Variants in ZNF385D observed in about 807,000 individuals in gnomAD.
ZNF385D encodes the protein zinc finger protein 659.
In ZNF385D, 15 loss-of-function variants were observed where a neutral mutation model predicts 35.8. That is an observed-to-expected ratio of 0.42 (90% CI 0.28 to 0.64). The LOEUF (loss-of-function observed/expected upper bound fraction) is 0.64, where lower values mean the gene tolerates loss of function less well. Ranked by LOEUF, ZNF385D falls within the 30% of genes least tolerant of loss-of-function variation. ZNF385D has a pLI of 0.23. For missense variants in ZNF385D, 474 were observed against 494.6 expected (o/e 0.96, Z 0.39); for synonymous variants, 212 against 186.8 (o/e 1.13, Z -1.10).
At chr3:21,879,669 A>G (rs1284947156) in intron 3 of ZNF385D, among the ~76,000 whole-genome samples, 4 of 152,024 alleles carry the variant, frequency 2.6e-5, no homozygotes, top group Non-Finnish European at 5.9e-5. Flanking sequence ...GAGGTCAGGA[A>G]TCACTAAACA....
chr3:21,736,764 T>C (rs1385743866), intron 1 of ZNF385D, among the ~76,000 whole-genome samples: 2 of 152,198 alleles, frequency 1.3e-5, no homozygotes, highest in African/African-American at 4.8e-5. Context: ...TTTCATGCTG[T>C]TCTATCCTAC....
At chr3:21,904,176 T>A (rs1377451861) in intron 3 of ZNF385D, among the ~76,000 whole-genome samples, 4 of 151,556 alleles carry the variant, frequency 2.6e-5, no homozygotes, top group Non-Finnish European at 5.9e-5. Flanking sequence ...TGGTGACAAG[T>A]ACCTGTAATC....
chr3:21,870,836 T>A (rs1478506635), intron 3 of ZNF385D, among the ~76,000 whole-genome samples: 3 of 152,260 alleles, frequency 2.0e-5, no homozygotes, highest in East Asian at 3.9e-4. Context: ...TTGCAATTTT[T>A]ACATTCAGAA....
chr3:21,647,878 G>A (rs1474081407), intron 2 of ZNF385D, among the ~76,000 whole-genome samples: 2 of 151,946 alleles, frequency 1.3e-5, no homozygotes, highest in African/African-American at 2.4e-5. Context: ...TTTTTCATAT[G>A]AATGTTACTA....
intron 3 of ZNF385D, among the ~76,000 whole-genome samples, chr3:21,860,148 C>CA (rs926619151): frequency 6.6e-6 from 1 of 151,786 alleles, no homozygotes; most frequent in African/African-American, 2.4e-5. Context: ...TTCTTTTATG[C>CA]AAAAAAAGTA....
intron 2 of ZNF385D, among the ~76,000 whole-genome samples, chr3:21,570,814 C>T (rs2063313305): frequency 2.0e-5 from 3 of 152,144 alleles, no homozygotes; most frequent in Non-Finnish European, 2.9e-5. Flanking sequence ...TCATCATATT[C>T]AACTATGAAC....
intron 3 of ZNF385D, among the ~76,000 whole-genome samples, chr3:21,841,795 TTGTTA>T (rs1695694409): frequency 6.6e-6 from 1 of 151,916 alleles, no homozygotes. Context: ...TTGATGTATT[TTGTTA>T]TAACATTTTT....
intron 2 of ZNF385D, among the ~76,000 whole-genome samples, chr3:21,600,703 TAC>T (rs1308381711): frequency 6.6e-6 from 1 of 150,968 alleles, no homozygotes; most frequent in East Asian, 1.9e-4. Flanking sequence ...AGAGAGGAAA[TAC>T]AGAGGAAACG....
At chr3:22,371,109 T>C (rs533176068) in intron 2 of ZNF385D, among the ~76,000 whole-genome samples, 2 of 152,282 alleles carry the variant, frequency 1.3e-5, no homozygotes, top group South Asian at 4.1e-4. Context: ...GTTGCATCAA[T>C]CTACATAATT....
chr3:22,177,632 T>G (rs1227054561), intron 2 of ZNF385D, among the ~76,000 whole-genome samples: 3 of 152,298 alleles, frequency 2.0e-5, no homozygotes, highest in Middle Eastern at 3.4e-3. Flanking sequence ...GTGCACAATG[T>G]GCAGGTTTGT....
At chr3:21,814,020 A>T (rs889196957) in intron 3 of ZNF385D, among the ~76,000 whole-genome samples, 7 of 152,230 alleles carry the variant, frequency 4.6e-5, no homozygotes, top group African/African-American at 1.7e-4. Context: ...GAAACCATAC[A>T]AGCCAGAAGA....
rs188563084 is a variant in ZNF385D at position 21,869,582 on chromosome 3, T to C, written c.326-204554A>G. Among the ~76,000 whole-genome samples, 9 of 152,204 alleles carry C rather than the reference T, an allele frequency of 5.9e-5. No individual in the cohort carries two copies. In the East Asian group the frequency reaches 1.7e-3, roughly 29 times the overall value. On this transcript the variant is annotated intron_variant, in intron 3 of 5. Transcript: ENST00000494108. ...TTCTGAGGGATCAATAATGAAAAATTGACAAGCTAAATACAGGCTTAAAAT... is the reference window on the plus strand; with the variant it reads ...TTCTGAGGGATCAATAATGAAAAATCGACAAGCTAAATACAGGCTTAAAAT...
chr3:21,866,827 G>C (rs1280941619), intron 3 of ZNF385D, among the ~76,000 whole-genome samples: 7 of 152,128 alleles, frequency 4.6e-5, no homozygotes, highest in Non-Finnish European at 8.8e-5. Context: ...TCATCAGGTA[G>C]TGATTAAAAT....
At chr3:22,079,239 G>C (rs191801155) in intron 3 of ZNF385D, among the ~76,000 whole-genome samples, 29 of 151,866 alleles carry the variant, frequency 1.9e-4, no homozygotes, top group African/African-American at 7.0e-4. Context: ...GCTGATAAAA[G>C]AAATATAATT....
At chr3:21,665,547 C>G (rs1273794813) in intron 1 of ZNF385D, among the ~76,000 whole-genome samples, 3 of 152,198 alleles carry the variant, frequency 2.0e-5, no homozygotes, top group Non-Finnish European at 1.5e-5. Flanking sequence ...TACCTTACTG[C>G]TCTAGCAACT....
chr3:21,811,291 C>T (rs1468809652), intron 3 of ZNF385D, among the ~76,000 whole-genome samples: 2 of 151,984 alleles, frequency 1.3e-5, no homozygotes, highest in African/African-American at 4.8e-5. Flanking sequence ...AATAACATTT[C>T]CCACGTAGAG....
At chr3:21,850,997 A>G (rs1424867568) in intron 3 of ZNF385D, among the ~76,000 whole-genome samples, 1 of 152,090 alleles carries the variant, frequency 6.6e-6, no homozygotes, top group Non-Finnish European at 1.5e-5. Context: ...AAGCCAGAAA[A>G]TATAACTCAT....
Position 22,217,747 on chromosome 3 carries a change from T to C in ZNF385D, c.107-48712A>G, listed in dbSNP as rs116580589. On this transcript the variant is annotated intron_variant, in intron 2 of 5. Transcript: ENST00000494108. Reference sequence around the variant, plus strand: ...GCTGAAAAGAAGGAGTAGAGAACAATGAAAGCACAGCAGAGAGCTGGAGAG... The same window carrying C: ...GCTGAAAAGAAGGAGTAGAGAACAACGAAAGCACAGCAGAGAGCTGGAGAG... Among the ~76,000 whole-genome samples the C allele has an allele frequency of 1.2e-3, 187 of 152,214 alleles. 1 individual carries two copies. Among genetic ancestry groups the C allele is most frequent in the African/African-American group, 4.3e-3 (177 of 41,550 alleles).
intron 1 of ZNF385D, among the ~76,000 whole-genome samples, chr3:21,698,569 A>C (rs535494061): frequency 6.6e-6 from 1 of 152,260 alleles, no homozygotes; most frequent in South Asian, 2.1e-4. Context: ...CAATATATCC[A>C]TGTAGCAAGC....
Sources: allele counts gnomAD v4.1 joint callset (sites outside exome capture counted in the v4.1 genomes callset), GRCh38; gene constraint gnomAD v4.1.1; transcripts MANE v1.5; gene names NCBI Gene and HGNC (gene_info 2026-07-23, HGNC 2026-07-21).